The following QTMAN variants were observed in gnomAD, a reference collection of about 807,000 sequenced individuals.
The protein encoded by QTMAN is queuosine-tRNA mannosyltransferase.
At chr2:144,221,396 G>C in the QTMAN span, among the ~76,000 whole-genome samples, 3,137 of 152,168 alleles carry the variant, frequency 0.021, 47 homozygotes, top group Middle Eastern at 0.037. Context: ...AAAATATAAT[G>C]AATATATATT....
At chr2:144,083,658 T>C in the QTMAN span, among the ~76,000 whole-genome samples, 3 of 152,242 alleles carry the variant, frequency 2.0e-5, no homozygotes, top group East Asian at 5.8e-4. Context: ...ACCAACAATA[T>C]AATAATGATG....
chr2:144,164,101 T>C, the QTMAN span, among the ~76,000 whole-genome samples: 1 of 152,058 alleles, frequency 6.6e-6, no homozygotes, highest in Non-Finnish European at 1.5e-5. Flanking sequence ...TTTTGTATTT[T>C]TATTAGAGAT....
At chr2:144,194,007 G>A in the QTMAN span, among the ~76,000 whole-genome samples, 1 of 151,926 alleles carries the variant, frequency 6.6e-6, no homozygotes, top group East Asian at 1.9e-4. Context: ...TTATGGTTTC[G>A]GGCCAAACAC....
the QTMAN span, chr2:144,007,551 A>G: frequency 6.7e-7 from 1 of 1,497,620 alleles, no homozygotes; most frequent in Non-Finnish European, 9.0e-7. Context: ...ACAAAAAAAG[A>G]ATGCAATATA....
At chr2:144,312,805 T>C in the QTMAN span, among the ~76,000 whole-genome samples, 1 of 152,168 alleles carries the variant, frequency 6.6e-6, no homozygotes, top group Non-Finnish European at 1.5e-5. Context: ...GGCAAGTTCC[T>C]CCTTCACTCA....
At chr2:144,137,380 T>A in the QTMAN span, among the ~76,000 whole-genome samples, 9 of 147,522 alleles carry the variant, frequency 6.1e-5, no homozygotes, top group Non-Finnish European at 1.0e-4. Context: ...GCTATGTTTC[T>A]TTTTTTTTTA....
chr2:144,317,362 AG>A, the QTMAN span: 1 of 103,108 alleles, frequency 9.7e-6, no homozygotes, highest in South Asian at 3.2e-4. Flanking sequence ...AAGATCTTCA[AG>A]GGGAAGGAAG....
At chr2:144,267,703 A>T in the QTMAN span, among the ~76,000 whole-genome samples, 1 of 152,252 alleles carries the variant, frequency 6.6e-6, no homozygotes, top group African/African-American at 2.4e-5. Context: ...TTAGGTTTTT[A>T]AAAATCTCCT....
chr2:144,145,983 TAAAAAAAAAAAAAAAAAAAAA>T, the QTMAN span: 3 of 19,440 alleles, frequency 1.5e-4, no homozygotes, highest in South Asian at 2.9e-3. Context: ...TGAGAAATGT[TAAAAAAAAAAAAAAAAAAAAA>T]AAAAAAAAAA....
At chr2:144,331,743 T>C in the QTMAN span, among the ~76,000 whole-genome samples, 2 of 152,168 alleles carry the variant, frequency 1.3e-5, no homozygotes, top group Admixed American at 1.3e-4. Context: ...CTGGACAGAA[T>C]GGGATTGTCT....
the QTMAN span, among the ~76,000 whole-genome samples, chr2:144,223,602 C>G: frequency 6.6e-6 from 1 of 152,066 alleles, no homozygotes; most frequent in African/African-American, 2.4e-5. Flanking sequence ...ACACTAAAAG[C>G]CATATAACAA....
At chr2:144,279,156 C>T in the QTMAN span, among the ~76,000 whole-genome samples, 13 of 152,100 alleles carry the variant, frequency 8.5e-5, no homozygotes, top group South Asian at 2.1e-4. Flanking sequence ...CAAACAACGA[C>T]GTTATGCAAA....
At chr2:144,085,925 G>A in the QTMAN span, among the ~76,000 whole-genome samples, 1 of 152,058 alleles carries the variant, frequency 6.6e-6, no homozygotes, top group African/African-American at 2.4e-5. Flanking sequence ...TCCAATGGGG[G>A]TTTTCACAAG....
chr2:144,158,225 C>T, the QTMAN span, among the ~76,000 whole-genome samples: 3 of 151,866 alleles, frequency 2.0e-5, no homozygotes. Flanking sequence ...CGAGATTCTC[C>T]CAAGAATATT....
chr2:144,011,810 A>C, the QTMAN span: 1 of 891,294 alleles, frequency 1.1e-6, no homozygotes, highest in Non-Finnish European at 1.3e-6. Context: ...ACTCTGGTGG[A>C]GGTGCTAATG....
At chr2:144,133,419 A>AAT in the QTMAN span, among the ~76,000 whole-genome samples, 1 of 60,328 alleles carries the variant, frequency 1.7e-5, no homozygotes, top group Non-Finnish European at 2.6e-5. Flanking sequence ...TATTATATAT[A>AAT]ATATATATAA....
At chr2:144,023,437 A>C in the QTMAN span, among the ~76,000 whole-genome samples, 1 of 152,242 alleles carries the variant, frequency 6.6e-6, no homozygotes, top group African/African-American at 2.4e-5. Context: ...AAAAATAATT[A>C]GAAGAAAAAT....
At chr2:144,268,055 G>A in the QTMAN span, among the ~76,000 whole-genome samples, 1 of 152,158 alleles carries the variant, frequency 6.6e-6, no homozygotes, top group Non-Finnish European at 1.5e-5. Flanking sequence ...TGTTGCAGGT[G>A]GGGCCTGATG....
the QTMAN span, among the ~76,000 whole-genome samples, chr2:144,198,597 G>T: frequency 0.014 from 2,107 of 152,178 alleles, 43 homozygotes; most frequent in African/African-American, 0.047. Context: ...ATGACATCTC[G>T]GGATCCAGCT....
Sources: gnomAD v4.1 joint callset for allele counts (sites outside exome capture counted in the v4.1 genomes callset) on GRCh38, gnomAD v4.1.1 for gene constraint, MANE v1.5 for transcripts, NCBI Gene and HGNC (gene_info 2026-07-23, HGNC 2026-07-21) for gene names.